Variants in MYH16 observed in about 807,000 individuals in gnomAD.
MYH16 encodes the protein putative uncharacterized protein MYH16.
At chr7:99,260,244 G>A (rs1733627106) in exon 12 of MYH16, 2 of 1,607,700 alleles carry the variant, frequency 1.2e-6, no homozygotes, top group Non-Finnish European at 1.7e-6. Context: ...TGTTCGTGCT[G>A]GAGCAGGAGG....
chr7:99,276,385 T>C (rs1480311847), intron 20 of MYH16, among the ~76,000 whole-genome samples: 6 of 152,272 alleles, frequency 3.9e-5, no homozygotes, highest in Admixed American at 2.6e-4. Flanking sequence ...TATGGTATAA[T>C]GTTTCTGTGG....
rs1395722720 is a variant in MYH16 at position 99,297,970 on chromosome 7, AAAG to A, written n.4724_4726del. 2.2e-5 allele frequency: 10 copies of A among 456,580 alleles called. 1 individual carries two copies. The highest frequency in any genetic ancestry group is 2.1e-4 in the East Asian group (3 of 14,406). 28.3% of individuals were successfully genotyped at this position (456,580 alleles called of 1,614,324 possible). On this transcript the variant is annotated non_coding_transcript_exon_variant, in exon 36 of 42. Transcript: ENST00000439784. ...TGACATCGACCGAAGAATCCATGAG[AAAG>A]AAGAAGAATTTGAGGCTACCAGGTA... is the stretch of plus-strand genomic sequence containing the variant.
At chr7:99,277,220 C>T (rs1050349843) in intron 20 of MYH16, among the ~76,000 whole-genome samples, 4 of 152,172 alleles carry the variant, frequency 2.6e-5, no homozygotes, top group Non-Finnish European at 4.4e-5. Context: ...GTCTACACAA[C>T]ATGCAGAACA....
exon 20 of MYH16, chr7:99,273,415 T>C: frequency 4.4e-6 from 2 of 456,660 alleles, no homozygotes; most frequent in Non-Finnish European, 8.8e-6. Context: ...GTGGAAGCTG[T>C]ACAACAAGGT....
At chr7:99,270,918 A>G (rs1230958573) in intron 18 of MYH16, 2 of 152,518 alleles carry the variant, frequency 1.3e-5, no homozygotes, top group African/African-American at 4.8e-5. Context: ...GCCATCGGTG[A>G]CAGCCGGGCT....
At chr7:99,307,253 C>T (rs1792695251), downstream of MYH16, among the ~76,000 whole-genome samples, 3 of 152,142 alleles carry the variant, frequency 2.0e-5, no homozygotes, top group Non-Finnish European at 2.9e-5. Context: ...CTGGAGATTT[C>T]ATCAATCCTG....
intron 30 of MYH16, 49 bp downstream of exon 11, chr7:99,289,453 A>T (rs765902931): frequency 3.5e-6 from 1 of 288,060 alleles, no homozygotes; most frequent in Non-Finnish European, 7.4e-6. Context: ...CATGGAAAGG[A>T]ACTGGGATTC....
chr7:99,298,593 T>C (rs1348195219), intron 36 of MYH16, among the ~76,000 whole-genome samples: 1 of 152,256 alleles, frequency 6.6e-6, no homozygotes, highest in African/African-American at 2.4e-5. Context: ...GAATCTGTTA[T>C]GTGGTTACTG....
intron 13 of MYH16, among the ~76,000 whole-genome samples, chr7:99,262,909 C>T (rs1422274337): frequency 6.6e-6 from 1 of 152,190 alleles, no homozygotes; most frequent in Non-Finnish European, 1.5e-5. Flanking sequence ...CTTCACGTAG[C>T]TCGGGATTCT....
intron 33 of MYH16, among the ~76,000 whole-genome samples, chr7:99,294,421 C>A (rs1230984053): frequency 2.1e-5 from 3 of 145,352 alleles, no homozygotes; most frequent in African/African-American, 7.7e-5. Context: ...AATCCCAACA[C>A]ACTGGGTGGC....
chr7:99,304,146 C>T (rs145116561), intron 39 of MYH16, among the ~76,000 whole-genome samples: 4 of 152,302 alleles, frequency 2.6e-5, no homozygotes, highest in Admixed American at 6.5e-5. Flanking sequence ...GGCCCATGTC[C>T]GGCCCACGGT....
intron 20 of MYH16, among the ~76,000 whole-genome samples, chr7:99,275,922 T>G (rs1013552619): frequency 6.6e-6 from 1 of 152,150 alleles, no homozygotes; most frequent in African/African-American, 2.4e-5. Flanking sequence ...GAGACGGGAT[T>G]TCACCATGTT....
At chr7:99,298,866 A>T (rs1792545219) in intron 36 of MYH16, among the ~76,000 whole-genome samples, 1 of 151,484 alleles carries the variant, frequency 6.6e-6, no homozygotes. Flanking sequence ...CGCTGCACCC[A>T]CTAACTCGTC....
At chr7:99,261,484 C>T (rs978244408) in exon 13 of MYH16, 2 of 154,214 alleles carry the variant, frequency 1.3e-5, no homozygotes, top group Non-Finnish European at 2.9e-5. Context: ...CTTGGAGGAA[C>T]AGTGCGTCTT....
intron 2 of MYH16, among the ~76,000 whole-genome samples, chr7:99,245,940 G>T (rs1382812400): frequency 6.6e-6 from 1 of 151,238 alleles, no homozygotes; most frequent in Admixed American, 6.6e-5. Context: ...AGTGGCTCAT[G>T]CCTGTAATTC....
At chr7:99,296,776 T>C (rs1408165082) in exon 34 of MYH16, 2 of 456,300 alleles carry the variant, frequency 4.4e-6, no homozygotes, top group East Asian at 1.4e-4. Context: ...GCAGCAGAAG[T>C]GTGAGGAGTT....
intron 11 of MYH16, among the ~76,000 whole-genome samples, chr7:99,259,971 C>T (rs1411755611): frequency 6.6e-6 from 1 of 151,890 alleles, no homozygotes; most frequent in African/African-American, 2.4e-5. Flanking sequence ...GTGCCTCTGC[C>T]TCTGTAGGGG....
chr7:99,294,520 A>AAAAAG (rs1280130093), intron 33 of MYH16, among the ~76,000 whole-genome samples: 6 of 118,734 alleles, frequency 5.1e-5, no homozygotes, highest in African/African-American at 2.0e-4. Flanking sequence ...AAAAAAAAAA[A>AAAAAG]AAAAGAAAAA....
At chr7:99,294,828 AG>A (rs1354374259) in intron 33 of MYH16, among the ~76,000 whole-genome samples, 2 of 152,108 alleles carry the variant, frequency 1.3e-5, no homozygotes, top group Non-Finnish European at 2.9e-5. Flanking sequence ...GGCCTCCCTA[AG>A]TGCCAGGATT....
Sources: allele counts gnomAD v4.1 joint callset (sites outside exome capture counted in the v4.1 genomes callset), GRCh38; gene constraint gnomAD v4.1.1; transcripts MANE v1.5; gene names NCBI Gene and HGNC (gene_info 2026-07-23, HGNC 2026-07-21).